MAL2: variants seen among roughly 807,000 people sequenced by gnomAD.
MAL2 encodes the protein protein MAL2.
A neutral mutation model predicts 18.1 loss-of-function variants in MAL2; 17 were observed. That is an observed-to-expected ratio of 0.94 (90% CI 0.64 to 1.41). The LOEUF is 1.41. Among genes scored for constraint, MAL2 ranks in the 40% most tolerant of loss-of-function variants. MAL2 has a pLI of 0.00. For synonymous variants in MAL2, 102 were observed against 102.3 expected, an observed-to-expected ratio of 1.00 and a Z score of 0.02; for missense variants, 222 against 231.9, an observed-to-expected ratio of 0.96 and a Z score of 0.28.
At chr8:119,213,703 CA>C (rs1817300466) in intron 1 of MAL2, among the ~76,000 whole-genome samples, 1 of 152,106 alleles carries the variant, frequency 6.6e-6, no homozygotes, top group African/African-American at 2.4e-5. Flanking sequence ...ACTGTAATCC[CA>C]GCTACTTGGG....
rs1818118640 is a variant in MAL2, at chr8:119,244,811, T to C, written c.*1323T>C. 6.6e-6 allele frequency: 1 copy of C among 152,570 alleles called. No homozygotes were observed. Among genetic ancestry groups the C allele is most frequent in the Admixed American group, 6.6e-5 (1 of 15,262 alleles). The allele number at this position is 152,570 out of a possible 1,614,324, so 9.5% of individuals were successfully genotyped here. ...GCACAGAAAAGTATTTTAACCTACC[T>C]GTAGAGATCCTCGTCATGGAAAGGT... On this transcript the variant is annotated 3_prime_UTR_variant, in exon 4 of 4. Coordinates refer to ENST00000614891, the MANE Select transcript of MAL2 (RefSeq NM_052886.3).
chr8:119,208,452 C>CGCAGCAGCGGCA lies in MAL2; in HGVS notation c.-18_-7dup. On this transcript the variant is annotated 5_prime_UTR_variant, in exon 1 of 4. Transcript: ENST00000614891. This position sits in a 1 kb window ranked among gnomAD's most constrained non-coding sequence, Gnocchi z 4.3. ...GGGAGGCGGCGGCGGCGCGCGGAGA[C>CGCAGCAGCGGCA]GCAGCAGCGGCAGCGGCAGCATGTC... The CGCAGCAGCGGCA allele has an allele frequency of 4.2e-6, 5 of 1,201,094 alleles. No individual in the cohort carries two copies. Among genetic ancestry groups the CGCAGCAGCGGCA allele is most frequent in the Non-Finnish European group, 5.2e-6 (5 of 967,068 alleles). The allele number at this position is 1,201,094 out of a possible 1,614,324, so 74.4% of individuals were successfully genotyped here. A position where few individuals can be genotyped will look rare whatever the true frequency, so the allele number is the denominator to read the frequency against.
At chr8:119,211,905 T>G (rs535225260) in intron 1 of MAL2, among the ~76,000 whole-genome samples, 2 of 152,114 alleles carry the variant, frequency 1.3e-5, no homozygotes, top group African/African-American at 2.4e-5. Flanking sequence ...AATCTCACAG[T>G]TTTTTGAGTG....
intron 1 of MAL2, among the ~76,000 whole-genome samples, chr8:119,217,683 G>A (rs1271026053): frequency 3.3e-5 from 5 of 152,132 alleles, no homozygotes; most frequent in Non-Finnish European, 7.3e-5. Flanking sequence ...TAATAGTTCC[G>A]AATACCTTTC....
chr8:119,219,556 A>T (rs940692318), intron 1 of MAL2, among the ~76,000 whole-genome samples: 97 of 147,554 alleles, frequency 6.6e-4, no homozygotes, highest in African/African-American at 2.1e-3. Flanking sequence ...TGTGTGTGTG[A>T]GAGAGAGAGA....
intron 3 of MAL2, among the ~76,000 whole-genome samples, chr8:119,242,613 A>G (rs1249313461): frequency 2.0e-5 from 3 of 152,182 alleles, no homozygotes; most frequent in African/African-American, 7.2e-5. Flanking sequence ...AAATCAGCAG[A>G]AGAAGGGTGG....
chr8:119,228,504 C>G (rs1817643813), intron 2 of MAL2, among the ~76,000 whole-genome samples: 1 of 152,096 alleles, frequency 6.6e-6, no homozygotes, highest in South Asian at 2.1e-4. Flanking sequence ...AAGGATGACC[C>G]CCATCCTCAC....
chr8:119,245,412 TTTGTAAACAGATTGCTTCTAGA>T lies in MAL2; in HGVS notation c.*1929_*1950del, dbSNP rs1818132700. On this transcript the variant is annotated 3_prime_UTR_variant, in exon 4 of 4. Transcript: ENST00000614891. ...TTCTTTAAAATGCTTTGGTGGCACT[TTTGTAAACAGATTGCTTCTAGA>T]TTGTTACAAACCAAGCCTAAGACAC... 2 of 152,740 alleles carry T rather than the reference TTTGTAAACAGATTGCTTCTAGA, an allele frequency of 1.3e-5. No individual in the cohort carries two copies. The highest frequency in any genetic ancestry group is 4.1e-4 in the South Asian group (2 of 4,822). The allele number at this position is 152,740 out of a possible 1,614,324, so 9.5% of individuals were successfully genotyped here.
chr8:119,231,935 G>A (rs1817738769), intron 2 of MAL2, among the ~76,000 whole-genome samples: 1 of 152,116 alleles, frequency 6.6e-6, no homozygotes, highest in African/African-American at 2.4e-5. Flanking sequence ...CTGGGGAAAT[G>A]TTGGTCAAAG....
At chr8:119,228,011 G>C (rs1267261869) in intron 2 of MAL2, among the ~76,000 whole-genome samples, 1 of 151,408 alleles carries the variant, frequency 6.6e-6, no homozygotes, top group Admixed American at 6.6e-5. Context: ...TTTGTTTTTA[G>C]TCACAATTGG....
At chr8:119,211,585 T>C (rs1817268754) in intron 1 of MAL2, among the ~76,000 whole-genome samples, 1 of 152,158 alleles carries the variant, frequency 6.6e-6, no homozygotes, top group East Asian at 1.9e-4. Context: ...ATAAGCCATT[T>C]GTTGGGAGAT....
chr8:119,229,461 C>T (rs562530219), intron 2 of MAL2, among the ~76,000 whole-genome samples: 9 of 152,190 alleles, frequency 5.9e-5, no homozygotes, highest in African/African-American at 1.9e-4. Context: ...TACAGGCATG[C>T]ACCACCATGC....
intron 2 of MAL2, 41 bp from the exon 3 acceptor site, chr8:119,240,124 A>G (rs759938888): frequency 7.0e-5 from 109 of 1,553,716 alleles, no homozygotes; most frequent in Non-Finnish European, 9.3e-5. Context: ...ACAGAAAAAT[A>G]TTTTTTTTTA....
chr8:119,228,992 G>T (rs1443611647), intron 2 of MAL2, among the ~76,000 whole-genome samples: 1 of 152,042 alleles, frequency 6.6e-6, no homozygotes, highest in African/African-American at 2.4e-5. Flanking sequence ...GCAATAAGGA[G>T]GCCATACTCT....
chr8:119,218,233 T>G (rs943986569), intron 1 of MAL2, among the ~76,000 whole-genome samples: 5 of 152,044 alleles, frequency 3.3e-5, no homozygotes, highest in African/African-American at 1.2e-4. Context: ...ATTCCTACAC[T>G]CCTTCCCTCT....
In MAL2 at chr8:119,218,581, A is replaced by G. The variant is rs147570319; in HGVS notation, c.133-3006A>G. ...CAATCTGCTCCTGAATCAGTTTAATAGTGTCTATTTCTTCCTTATTTCAAG... is the reference window on the plus strand; with the variant it reads ...CAATCTGCTCCTGAATCAGTTTAATGGTGTCTATTTCTTCCTTATTTCAAG... On this transcript the variant is annotated intron_variant, in intron 1 of 3. Coordinates refer to ENST00000614891, the MANE Select transcript of MAL2 (RefSeq NM_052886.3). Among the ~76,000 whole-genome samples the G allele has an allele frequency of 2.8e-3, 430 of 152,178 alleles. 1 individual carries two copies. Among genetic ancestry groups the G allele is most frequent in the African/African-American group, 9.8e-3 (405 of 41,520 alleles).
chr8:119,215,732 A>T (rs2129783257), intron 1 of MAL2: 1 of 152,146 alleles, frequency 6.6e-6, no homozygotes, highest in South Asian at 2.1e-4. Flanking sequence ...TGCTCAGGGG[A>T]TGAGGGGTAG....
intron 2 of MAL2, among the ~76,000 whole-genome samples, chr8:119,227,841 C>T (rs868813768): frequency 1.3e-5 from 2 of 152,222 alleles, no homozygotes; most frequent in Middle Eastern, 6.8e-3. Context: ...TCAAGGCCAA[C>T]TGGTACTCAT....
At chr8:119,222,674 A>G (rs930473824) in intron 2 of MAL2, among the ~76,000 whole-genome samples, 2 of 151,962 alleles carry the variant, frequency 1.3e-5, no homozygotes, top group Non-Finnish European at 2.9e-5. Flanking sequence ...CAAAAACTAC[A>G]AAAAATATCT....
Sources: allele counts gnomAD v4.1 joint callset (sites outside exome capture counted in the v4.1 genomes callset), GRCh38; gene constraint gnomAD v4.1.1; non-coding constraint Gnocchi (gnomAD v3.1); transcripts MANE v1.5; gene names NCBI Gene and HGNC (gene_info 2026-07-23, HGNC 2026-07-21).